The following SLC12A6 variants were observed in gnomAD, a reference collection of about 807,000 sequenced individuals.
SLC12A6 encodes the protein K-Cl cotransporter 3.
Under a neutral mutation model 135.3 loss-of-function variants are expected in SLC12A6, and 66 were observed. The ratio of observed to expected loss-of-function variants is 0.49; its 90% CI spans 0.40 to 0.60. SLC12A6 has a LOEUF of 0.60. Ranked by LOEUF, SLC12A6 falls within the 20% of genes least tolerant of loss-of-function variation. The probability of loss-of-function intolerance (pLI) is 0.00; values close to 1 mark genes in which losing one functional copy is unlikely to be tolerated. For synonymous variants in SLC12A6, 513 were observed against 508.8 expected (o/e 1.01, Z -0.11); for missense variants, 1,058 against 1,452.3 (o/e 0.73, Z 4.41).
At chr15:34,235,627 A>C (rs1891208980) in intron 24 of SLC12A6, among the ~76,000 whole-genome samples, 1 of 151,860 alleles carries the variant, frequency 6.6e-6, no homozygotes, top group Non-Finnish European at 1.5e-5. Flanking sequence ...TAGTAAAAAC[A>C]GGGTTTCACC....
At chr15:34,253,341 C>T (rs1177693230) in intron 9 of SLC12A6, among the ~76,000 whole-genome samples, 1 of 152,098 alleles carries the variant, frequency 6.6e-6, no homozygotes, top group Non-Finnish European at 1.5e-5. Flanking sequence ...GGAGAAGCCC[C>T]AAAGGTGAAC....
At chr15:34,278,991 A>G (rs1894486194) in intron 2 of SLC12A6, among the ~76,000 whole-genome samples, 1 of 152,198 alleles carries the variant, frequency 6.6e-6, no homozygotes, top group Non-Finnish European at 1.5e-5. Flanking sequence ...CTAACCTCCA[A>G]GAACCTGCAA....
At position 34,255,196 on chromosome 15, in the gene SLC12A6, T is replaced by C. The variant is rs1188891506; in HGVS notation, c.876+66A>G. 21 of 1,281,398 alleles carry C rather than the reference T, an allele frequency of 1.6e-5. No individual in the cohort carries two copies. In the Middle Eastern group the frequency reaches 5.5e-4, roughly 34 times the overall value. 79.4% of individuals were successfully genotyped at this position (1,281,398 alleles called of 1,614,324 possible). On this transcript the variant is annotated intron_variant, in intron 8 of 25. Transcript: ENST00000354181. ...ACAGCTGATCTCTCAGAAGCTTTCA[T>C]AGCAAAGAATAAACCTAAATCAATA... is the stretch of plus-strand genomic sequence containing the variant.
intron 21 of SLC12A6, among the ~76,000 whole-genome samples, chr15:34,237,862 AC>A (rs1432585167): frequency 2.0e-5 from 3 of 152,236 alleles, no homozygotes; most frequent in African/African-American, 7.2e-5. Context: ...CTATATATTT[AC>A]TATTTTAAAT....
At chr15:34,259,313 C>A (rs1892956403) in intron 4 of SLC12A6, among the ~76,000 whole-genome samples, 1 of 151,268 alleles carries the variant, frequency 6.6e-6, no homozygotes, top group African/African-American at 2.4e-5. Flanking sequence ...TGCGCTCCAG[C>A]CTGGGCAACA....
At position 34,232,066 on chromosome 15, in the gene SLC12A6, G is replaced by A. The variant is rs886051045; in HGVS notation, c.*1815C>T. 2 of 152,148 alleles carry A rather than the reference G, an allele frequency of 1.3e-5. No homozygotes were observed. The highest frequency in any genetic ancestry group is 2.9e-5 in the Non-Finnish European group (2 of 68,022). 9.4% of individuals were successfully genotyped at this position (152,148 alleles called of 1,614,324 possible). On this transcript the variant is annotated 3_prime_UTR_variant, in exon 26 of 26. Coordinates refer to ENST00000354181, the MANE Select transcript of SLC12A6 (RefSeq NM_001365088.1). The stretch of plus-strand genomic sequence containing the variant: ...CAAAAACAGCCATGAATACAGGCAA[G>A]AAAAGTTTCTCTAAATAACTATTCT...
intron 9 of SLC12A6, among the ~76,000 whole-genome samples, chr15:34,253,483 C>T (rs566860543): frequency 1.2e-4 from 18 of 152,168 alleles, no homozygotes; most frequent in Non-Finnish European, 2.4e-4. Flanking sequence ...AAGATGGAAT[C>T]TACTTCTGCC....
In SLC12A6 at chr15:34,336,966, G is replaced by A. The variant is rs73374493; in HGVS notation, c.-72-214C>T. 76,493 of 442,626 alleles carry A rather than the reference G, an allele frequency of 0.17. 7,202 individuals are homozygous for A. The highest frequency in any genetic ancestry group is 0.31 in the East Asian group (6,421 of 20,714). The allele number at this position is 442,626 out of a possible 1,614,324, so 27.4% of individuals were successfully genotyped here. ...AATCTTGTGTGACTTCTTTCCTTCAGAATGAAGAGCTACCTAGCTAACCCC... is the reference window on the plus strand; with the variant it reads ...AATCTTGTGTGACTTCTTTCCTTCAAAATGAAGAGCTACCTAGCTAACCCC... On this transcript the variant is annotated intron_variant, in intron 1 of 25. Transcript: ENST00000354181.
intron 2 of SLC12A6, among the ~76,000 whole-genome samples, chr15:34,305,838 A>G (rs1417523012): frequency 2.0e-5 from 3 of 150,324 alleles, no homozygotes; most frequent in African/African-American, 7.4e-5. Flanking sequence ...GCTCACTGCA[A>G]CCTCTGCCTC....
chr15:34,263,672 A>G (rs1023761225), intron 3 of SLC12A6, among the ~76,000 whole-genome samples: 3 of 152,136 alleles, frequency 2.0e-5, no homozygotes, highest in African/African-American at 4.8e-5. Context: ...AAAAAAACAT[A>G]AATGCTATTA....
intron 20 of SLC12A6, 59 bp downstream of exon 20, chr15:34,238,906 A>G: frequency 2.1e-6 from 3 of 1,412,678 alleles, no homozygotes; most frequent in Non-Finnish European, 3.0e-6. Flanking sequence ...GGGGTGACAG[A>G]GATTTAACTA....
chr15:34,313,756 G>A (rs1888427037), intron 2 of SLC12A6, among the ~76,000 whole-genome samples: 1 of 152,100 alleles, frequency 6.6e-6, no homozygotes. Flanking sequence ...TGCAGCTGGT[G>A]ACTTTAAGTT....
chr15:34,325,985 A>G (rs1485761631), intron 2 of SLC12A6, among the ~76,000 whole-genome samples: 1 of 152,178 alleles, frequency 6.6e-6, no homozygotes, highest in Non-Finnish European at 1.5e-5. Context: ...TCAACTTCCT[A>G]AAAGTTGTGT....
rs1239373700 is a variant in SLC12A6 at position 34,229,928 on chromosome 15, T to G, written c.*3953A>C. ...AAAGACTCTTTTCTCCATGGTGGGG[T>G]GACAGGTCCTAGAAGGACAATGTGC... On this transcript the variant is annotated 3_prime_UTR_variant, in exon 26 of 26. Coordinates refer to ENST00000354181, the MANE Select transcript of SLC12A6 (RefSeq NM_001365088.1). 1 of 782,052 alleles carries G rather than the reference T, an allele frequency of 1.3e-6. No homozygotes were observed. The highest frequency in any genetic ancestry group is 2.2e-6 in the Non-Finnish European group (1 of 450,596). The allele number at this position is 782,052 out of a possible 1,614,324, so 48.4% of individuals were successfully genotyped here.
intron 2 of SLC12A6, among the ~76,000 whole-genome samples, chr15:34,297,736 C>T (rs1895968583): frequency 6.6e-6 from 1 of 152,120 alleles, no homozygotes; most frequent in Non-Finnish European, 1.5e-5. Flanking sequence ...CAGCACATGT[C>T]TGGAAAGATT....
chr15:34,293,483 T>C (rs1189538155), intron 2 of SLC12A6, among the ~76,000 whole-genome samples: 1 of 152,234 alleles, frequency 6.6e-6, no homozygotes, highest in Admixed American at 6.5e-5. Flanking sequence ...TTTGTATTTT[T>C]AGTAGAGACG....
At position 34,307,938 on chromosome 15, in the gene SLC12A6, T is replaced by G. The variant is rs79552256; in HGVS notation, c.271+28472A>C. 2.6e-3 allele frequency among the ~76,000 whole-genome samples: 399 copies of G among 152,330 alleles called. 10 individuals carry two copies. The East Asian group carries it at 0.056, about 21-fold the overall frequency. On this transcript the variant is annotated intron_variant, in intron 2 of 25. Transcript: ENST00000354181. ...ATACAGGAAAATAAATGAGATCTAA[T>G]TTACCATATGAGGCTTTAGAATTTA... is the stretch of plus-strand genomic sequence containing the variant.
At chr15:34,261,086 GA>G in intron 3 of SLC12A6, 66 bp from the exon 4 acceptor site, 1 of 838,962 alleles carries the variant, frequency 1.2e-6, no homozygotes, top group Non-Finnish European at 2.1e-6. Context: ...ATCAGCACCA[GA>G]TAAGTGCAGG....
intron 3 of SLC12A6, among the ~76,000 whole-genome samples, chr15:34,271,374 CTT>C (rs11343354): frequency 5.5e-4 from 80 of 144,408 alleles, no homozygotes; most frequent in South Asian, 1.3e-3. Context: ...TTGGCCTATA[CTT>C]TTTTTTTTTT....
Sources: allele counts gnomAD v4.1 joint callset (sites outside exome capture counted in the v4.1 genomes callset), GRCh38; gene constraint gnomAD v4.1.1; transcripts MANE v1.5; gene names NCBI Gene and HGNC (gene_info 2026-07-23, HGNC 2026-07-21).